CDH12: variants seen among roughly 807,000 people sequenced by gnomAD.
CDH12 encodes cadherin 12, also known as cadherin-12.
Under a neutral mutation model 74.1 loss-of-function variants are expected in CDH12, and 41 were observed. The observed-to-expected ratio is 0.55, with a 90% CI of 0.43 to 0.72. The LOEUF (loss-of-function observed/expected upper bound fraction) is 0.72, where lower values mean the gene tolerates loss of function less well. Among genes scored for constraint, CDH12 ranks in the 30% least tolerant of loss-of-function variants. CDH12 has a pLI of 0.00. For missense variants in CDH12, 945 were observed against 977.2 expected (o/e 0.97, Z 0.44); for synonymous variants, 399 against 355.0 (o/e 1.12, Z -1.39).
intron 9 of CDH12, among the ~76,000 whole-genome samples, chr5:21,803,835 G>T (rs1747274266): frequency 6.6e-6 from 1 of 152,050 alleles, no homozygotes; most frequent in Non-Finnish European, 1.5e-5. Flanking sequence ...AGGAAGGATG[G>T]ATATTTTTCT....
intron 5 of CDH12, among the ~76,000 whole-genome samples, chr5:22,026,964 C>T (rs1738403610): frequency 6.6e-6 from 1 of 152,110 alleles, no homozygotes; most frequent in Non-Finnish European, 1.5e-5. Flanking sequence ...TCATAGATAG[C>T]TCTTATTATT....
At chr5:22,271,792 C>CTT (rs35369621) in intron 3 of CDH12, among the ~76,000 whole-genome samples, 77 of 150,294 alleles carry the variant, frequency 5.1e-4, no homozygotes, top group South Asian at 1.5e-3. Flanking sequence ...TGAAATAAAT[C>CTT]TTTTTTTTTT....
Position 22,505,355 on chromosome 5 carries a change from G to C in CDH12, c.-513C>G, listed in dbSNP as rs1039704656. ...ATTTCCCAAAAGAGCCAAGCTGTTA[G>C]GTAACAAAGCTGGAAAGACAAACAT... On this transcript the variant is annotated 5_prime_UTR_variant, in exon 2 of 15. Coordinates refer to ENST00000382254, the MANE Select transcript of CDH12 (RefSeq NM_004061.5). 13 of 980,670 alleles carry C rather than the reference G, an allele frequency of 1.3e-5. No homozygotes were observed. Among genetic ancestry groups the C allele is most frequent in the Non-Finnish European group, 1.6e-5 (13 of 825,934 alleles). The allele number at this position is 980,670 out of a possible 1,614,324, so 60.7% of individuals were successfully genotyped here. A position where few individuals can be genotyped will look rare whatever the true frequency, so the allele number is the denominator to read the frequency against.
At chr5:22,350,525 T>G (rs1740315820) in intron 3 of CDH12, among the ~76,000 whole-genome samples, 1 of 152,162 alleles carries the variant, frequency 6.6e-6, no homozygotes, top group South Asian at 2.1e-4. Context: ...CAGTGGTACT[T>G]TTAAAATTCA....
chr5:21,809,166 C>T (rs547886297), intron 9 of CDH12, among the ~76,000 whole-genome samples: 2 of 151,998 alleles, frequency 1.3e-5, no homozygotes, highest in East Asian at 3.9e-4. Context: ...GCAAAATTTT[C>T]GTAGTTTTAA....
chr5:21,817,889 T>C (rs536928473), intron 8 of CDH12, among the ~76,000 whole-genome samples: 1 of 152,072 alleles, frequency 6.6e-6, no homozygotes, highest in South Asian at 2.1e-4. Context: ...AAATTTATAC[T>C]GAATCAGCAA....
intron 4 of CDH12, chr5:22,172,202 C>T (rs1749070697): frequency 6.6e-6 from 1 of 151,800 alleles, no homozygotes; most frequent in Non-Finnish European, 1.5e-5. Flanking sequence ...AATATATTTT[C>T]AATGATAAAA....
intron 3 of CDH12, among the ~76,000 whole-genome samples, chr5:22,217,131 C>T (rs964593253): frequency 4.0e-5 from 6 of 151,464 alleles, no homozygotes; most frequent in Non-Finnish European, 7.4e-5. Context: ...TTTCATAGTT[C>T]GAGTAATTAA....
chr5:22,352,016 C>T (rs972394917), intron 3 of CDH12, among the ~76,000 whole-genome samples: 33 of 152,072 alleles, frequency 2.2e-4, no homozygotes, highest in Admixed American at 1.1e-3. Flanking sequence ...ATTTTTGATG[C>T]CACTATTTAC....
At chr5:22,530,189 T>A (rs1241648316) in intron 1 of CDH12, among the ~76,000 whole-genome samples, 2 of 152,174 alleles carry the variant, frequency 1.3e-5, no homozygotes, top group East Asian at 3.9e-4. Context: ...AGTAAAATAA[T>A]TGAACTCATC....
intron 3 of CDH12, among the ~76,000 whole-genome samples, chr5:22,355,521 A>ATATAT (rs70959719): frequency 1.1e-3 from 80 of 74,128 alleles, no homozygotes; most frequent in African/African-American, 2.4e-3. Flanking sequence ...CCTTAAAAAA[A>ATATAT]AAATATATAT....
intron 2 of CDH12, among the ~76,000 whole-genome samples, chr5:22,470,416 A>ATTTTATTTTATTTTATTTATTTTAT (rs145307255): frequency 6.8e-6 from 1 of 146,330 alleles, no homozygotes; most frequent in African/African-American, 2.5e-5. Flanking sequence ...ATTTTATTTT[A>ATTTTATTTTATTTTATTTATTTTAT]TTTATTTTAT....
At chr5:22,153,982 AG>A (rs1747826435) in intron 4 of CDH12, among the ~76,000 whole-genome samples, 2 of 147,830 alleles carry the variant, frequency 1.4e-5, no homozygotes, top group Non-Finnish European at 3.0e-5. Context: ...ATACATGCAC[AG>A]ATATATATGT....
intron 1 of CDH12, among the ~76,000 whole-genome samples, chr5:22,663,126 T>C (rs535767717): frequency 7.9e-5 from 12 of 152,296 alleles, no homozygotes; most frequent in African/African-American, 2.6e-4. Context: ...TTCAACTTTA[T>C]GATAATGAAA....
At chr5:22,627,703 T>G (rs746829649) in intron 1 of CDH12, among the ~76,000 whole-genome samples, 1 of 152,078 alleles carries the variant, frequency 6.6e-6, no homozygotes, top group Non-Finnish European at 1.5e-5. Flanking sequence ...ACCAGATAAC[T>G]ACTTACTGAC....
chr5:22,413,701 A>T (rs1743259726), intron 2 of CDH12, among the ~76,000 whole-genome samples: 1 of 152,086 alleles, frequency 6.6e-6, no homozygotes, highest in African/African-American at 2.4e-5. Flanking sequence ...TCTTTACATT[A>T]GCATAGCATA....
intron 6 of CDH12, among the ~76,000 whole-genome samples, chr5:21,973,340 C>T (rs1381992669): frequency 6.6e-6 from 1 of 152,154 alleles, no homozygotes; most frequent in Non-Finnish European, 1.5e-5. Context: ...CCTATTCTTC[C>T]AAAGATCTTT....
chr5:22,729,578 C>T (rs970310530), intron 1 of CDH12, among the ~76,000 whole-genome samples: 3 of 151,858 alleles, frequency 2.0e-5, no homozygotes, highest in Non-Finnish European at 4.4e-5. Flanking sequence ...GTACTTCTAC[C>T]ACATTCACCA....
At chr5:22,406,486 A>T (rs1742945930) in intron 2 of CDH12, among the ~76,000 whole-genome samples, 1 of 152,140 alleles carries the variant, frequency 6.6e-6, no homozygotes, top group African/African-American at 2.4e-5. Flanking sequence ...TGATTTTTGA[A>T]TCTGGAAATT....
Sources: gnomAD v4.1 joint callset for allele counts (sites outside exome capture counted in the v4.1 genomes callset) on GRCh38, gnomAD v4.1.1 for gene constraint, MANE v1.5 for transcripts, NCBI Gene and HGNC (gene_info 2026-07-23, HGNC 2026-07-21) for gene names.